The following FHIT variants were observed in gnomAD, a reference collection of about 807,000 sequenced individuals.
FHIT encodes the protein fragile histidine triad diadenosine triphosphatase, also known as bis(5'-adenosyl)-triphosphatase.
Under a neutral mutation model 17.9 loss-of-function variants are expected in FHIT, and 19 were observed. The observed-to-expected ratio is 1.06, with a 90% confidence interval of 0.74 to 1.56. The LOEUF is 1.56. Ranked by LOEUF, FHIT falls within the 40% of genes most tolerant of loss-of-function variation. The pLI, the probability that FHIT is intolerant of heterozygous loss-of-function variation, is 0.00. For synonymous variants in FHIT, 81 were observed against 69.7 expected (o/e 1.16, Z -0.81); for missense variants, 248 against 189.2 (o/e 1.31, Z -1.82).
chr3:60,955,617 T>TATATATATATATAC (rs1709104064), intron 3 of FHIT, among the ~76,000 whole-genome samples: 3 of 13,872 alleles, frequency 2.2e-4, no homozygotes, highest in African/African-American at 3.8e-4. Context: ...TATATATATA[T>TATATATATATATAC]ATATATATAT....
intron 5 of FHIT, among the ~76,000 whole-genome samples, chr3:60,130,794 T>TACAC (rs1474101655): frequency 2.0e-5 from 2 of 99,110 alleles, no homozygotes; most frequent in African/African-American, 6.1e-5. Context: ...GGTGTGTATA[T>TACAC]ACACACATAT....
rs562150541 is a variant in FHIT at position 60,688,228 on chromosome 3, C to T, written c.-18+133691G>A. Among the ~76,000 whole-genome samples, 9 of 152,244 alleles carry T rather than the reference C, an allele frequency of 5.9e-5. No homozygotes were observed. In the East Asian group the frequency reaches 1.5e-3, roughly 26 times the overall value. The stretch of plus-strand genomic sequence containing the variant: ...AACATATCAGGTACAGGGGAAATGT[C>T]ATTCCTATGTTATGCATAAGGAAAT... On this transcript the variant is annotated intron_variant, in intron 4 of 9. Coordinates refer to ENST00000492590, the MANE Select transcript of FHIT (RefSeq NM_002012.4).
intron 2 of FHIT, among the ~76,000 whole-genome samples, chr3:61,190,710 A>T (rs2038686590): frequency 6.6e-6 from 1 of 152,218 alleles, no homozygotes; most frequent in Non-Finnish European, 1.5e-5. Flanking sequence ...GACTGGATTA[A>T]GAAAATGTGG....
chr3:60,241,843 C>T (rs1231064269), intron 5 of FHIT, among the ~76,000 whole-genome samples: 33 of 152,040 alleles, frequency 2.2e-4, no homozygotes, highest in Admixed American at 2.1e-3. Flanking sequence ...GTGGAGCTTA[C>T]TCTAATTACT....
intron 8 of FHIT, among the ~76,000 whole-genome samples, chr3:59,860,044 T>C (rs1371620721): frequency 2.0e-5 from 3 of 152,144 alleles, no homozygotes; most frequent in Non-Finnish European, 4.4e-5. Flanking sequence ...TGAAAGAGAA[T>C]TAAAATGTTG....
At chr3:60,302,894 C>T (rs907994644) in intron 5 of FHIT, among the ~76,000 whole-genome samples, 5 of 152,144 alleles carry the variant, frequency 3.3e-5, no homozygotes, top group African/African-American at 1.2e-4. Context: ...CTGCCTTGAG[C>T]TGTAAAAAGC....
intron 3 of FHIT, among the ~76,000 whole-genome samples, chr3:60,905,268 G>A (rs1432748814): frequency 6.6e-6 from 1 of 152,094 alleles, no homozygotes. Flanking sequence ...CTATGAGATT[G>A]TCAAAAGTTG....
chr3:60,140,099 C>T (rs1051406240), intron 5 of FHIT, among the ~76,000 whole-genome samples: 1 of 150,512 alleles, frequency 6.6e-6, no homozygotes, highest in East Asian at 1.9e-4. Context: ...ACAGCCTGGG[C>T]AACATAGTGA....
intron 1 of FHIT, among the ~76,000 whole-genome samples, chr3:61,214,221 G>A (rs1388618446): frequency 2.6e-5 from 4 of 151,868 alleles, no homozygotes; most frequent in Non-Finnish European, 4.4e-5. Context: ...TCCAGGAGCT[G>A]GTTTTTTGAA....
intron 5 of FHIT, among the ~76,000 whole-genome samples, chr3:60,392,212 G>A (rs774297196): frequency 6.2e-4 from 94 of 152,188 alleles, no homozygotes; most frequent in African/African-American, 1.5e-3. Context: ...AAAAGATCCC[G>A]TATCAGAGCA....
intron 4 of FHIT, among the ~76,000 whole-genome samples, chr3:60,805,885 C>T (rs1314044394): frequency 6.6e-6 from 1 of 152,118 alleles, no homozygotes; most frequent in Non-Finnish European, 1.5e-5. Flanking sequence ...ATTAAGGTTA[C>T]CTTTAAAAGT....
intron 8 of FHIT, among the ~76,000 whole-genome samples, chr3:59,874,806 G>C (rs1703079896): frequency 6.6e-6 from 1 of 152,110 alleles, no homozygotes; most frequent in South Asian, 2.1e-4. Flanking sequence ...CCCCTTTAGA[G>C]CCACAAGCTC....
chr3:59,899,050 T>C (rs1704203881), intron 8 of FHIT, among the ~76,000 whole-genome samples: 1 of 152,154 alleles, frequency 6.6e-6, no homozygotes, highest in African/African-American at 2.4e-5. Context: ...CATCTCTTCA[T>C]TACAAGGCGA....
chr3:60,061,561 A>G (rs1281584651), intron 5 of FHIT, among the ~76,000 whole-genome samples: 1 of 152,240 alleles, frequency 6.6e-6, no homozygotes. Context: ...GTGAGTAATT[A>G]TAGCAAATAA....
intron 4 of FHIT, among the ~76,000 whole-genome samples, chr3:60,711,852 G>T (rs4292193): frequency 0.91 from 138,374 of 152,174 alleles, 63,700 homozygotes; most frequent in East Asian, 1. Context: ...ACACTCTGCA[G>T]GATATTATCC....
intron 5 of FHIT, among the ~76,000 whole-genome samples, chr3:60,245,062 C>A (rs917331852): frequency 6.6e-6 from 1 of 151,988 alleles, no homozygotes; most frequent in Non-Finnish European, 1.5e-5. Flanking sequence ...TGCAACTAAT[C>A]CACTATGGTT....
At chr3:60,088,164 T>C (rs1313607289) in intron 5 of FHIT, among the ~76,000 whole-genome samples, 1 of 152,172 alleles carries the variant, frequency 6.6e-6, no homozygotes, top group Non-Finnish European at 1.5e-5. Flanking sequence ...TTAGTTCCCT[T>C]GGGAATTAAC....
chr3:60,233,297 C>T (rs1398412592), intron 5 of FHIT, among the ~76,000 whole-genome samples: 2 of 152,110 alleles, frequency 1.3e-5, no homozygotes, highest in Non-Finnish European at 2.9e-5. Context: ...TATCCAGTAC[C>T]CAGCTTTGTC....
chr3:60,509,808 A>G (rs904193946), intron 5 of FHIT, among the ~76,000 whole-genome samples: 9 of 152,212 alleles, frequency 5.9e-5, no homozygotes, highest in Admixed American at 1.3e-4. Context: ...AGTCTCTTTA[A>G]CGTTATGGAT....
Sources: gnomAD v4.1 joint callset for allele counts (sites outside exome capture counted in the v4.1 genomes callset) on GRCh38, gnomAD v4.1.1 for gene constraint, MANE v1.5 for transcripts, NCBI Gene and HGNC (gene_info 2026-07-23, HGNC 2026-07-21) for gene names.